Variants in UVRAG observed in about 807,000 individuals in gnomAD.
The protein encoded by UVRAG is UV radiation resistance-associated gene protein.
UVRAG carries 19 observed loss-of-function variants against 78.0 expected under a neutral mutation model. The observed-to-expected ratio is 0.24, with a 90% confidence interval of 0.17 to 0.36. The LOEUF is 0.36. UVRAG is among the 10% of genes least tolerant of loss of function. The pLI is 1.00. For missense variants in UVRAG, 740 were observed against 853.8 expected (o/e 0.87, Z 1.66); for synonymous variants, 323 against 324.6 (o/e 1.00, Z 0.05).
intron 14 of UVRAG, among the ~76,000 whole-genome samples, chr11:76,135,382 G>A (rs1347131311): frequency 6.6e-6 from 1 of 152,160 alleles, no homozygotes; most frequent in East Asian, 1.9e-4. Context: ...TTAATTTAGA[G>A]AGCTCAGAGA....
chr11:76,036,307 G>A lies in UVRAG; in HGVS notation c.1226+19327G>A, dbSNP rs144314880. Among the ~76,000 whole-genome samples, 168 of 152,248 alleles carry A rather than the reference G, an allele frequency of 1.1e-3. 1 individual carries two copies. The highest frequency in any genetic ancestry group is 3.9e-3 in the African/African-American group (163 of 41,530). ...CTCATGCCTGTAATCTGAACACTTT[G>A]GGAGGCCAAGGCTGGAGGATCACTT... On this transcript the variant is annotated intron_variant, in intron 12 of 14. Transcript: ENST00000356136.
At chr11:76,060,990 C>G (rs1951077152) in intron 12 of UVRAG, among the ~76,000 whole-genome samples, 1 of 152,260 alleles carries the variant, frequency 6.6e-6, no homozygotes, top group Non-Finnish European at 1.5e-5. Context: ...ACCTGCGGCC[C>G]TGGTGCGGGA....
chr11:76,105,095 A>G (rs964683464), intron 13 of UVRAG, among the ~76,000 whole-genome samples: 2 of 152,214 alleles, frequency 1.3e-5, no homozygotes, highest in Non-Finnish European at 2.9e-5. Context: ...TATAAATCAT[A>G]TGTGTTAAGT....
chr11:75,994,232 A>G (rs1949664098), intron 8 of UVRAG, among the ~76,000 whole-genome samples: 1 of 152,226 alleles, frequency 6.6e-6, no homozygotes, highest in African/African-American at 2.4e-5. Context: ...CTACTTTTTA[A>G]TACAATTACT....
intron 12 of UVRAG, among the ~76,000 whole-genome samples, chr11:76,062,622 TA>T (rs1591191655): frequency 1.3e-5 from 2 of 152,202 alleles, no homozygotes; most frequent in Admixed American, 1.3e-4. Context: ...TCTGTTCCCC[TA>T]ATCATCCTGG....
At chr11:75,924,244 C>T (rs892819548) in intron 6 of UVRAG, among the ~76,000 whole-genome samples, 4 of 152,056 alleles carry the variant, frequency 2.6e-5, no homozygotes, top group African/African-American at 9.7e-5. Context: ...TTTTTAATTA[C>T]CTTTCCAAAG....
intron 12 of UVRAG, among the ~76,000 whole-genome samples, chr11:76,036,414 A>T (rs1384845587): frequency 6.6e-6 from 1 of 151,728 alleles, no homozygotes; most frequent in Non-Finnish European, 1.5e-5. Flanking sequence ...ACCAAGTGTG[A>T]TGGCACCCAG....
chr11:76,112,730 CT>C (rs10686022), intron 13 of UVRAG, among the ~76,000 whole-genome samples: 242 of 139,186 alleles, frequency 1.7e-3, no homozygotes, highest in Non-Finnish European at 1.9e-3. Context: ...TTTTTCTTTT[CT>C]TTTTTTTTTT....
intron 6 of UVRAG, among the ~76,000 whole-genome samples, chr11:75,926,762 G>A (rs1251711149): frequency 6.6e-6 from 1 of 151,990 alleles, no homozygotes; most frequent in Admixed American, 6.6e-5. Context: ...AAGCAGTCAT[G>A]TAAAGACTAG....
At chr11:75,948,787 G>C (rs1447290076) in intron 6 of UVRAG, among the ~76,000 whole-genome samples, 1 of 152,138 alleles carries the variant, frequency 6.6e-6, no homozygotes, top group Admixed American at 6.6e-5. Context: ...AGGGCCTAGA[G>C]TATCTAAAAG....
chr11:76,071,790 A>G (rs532898696), intron 13 of UVRAG, among the ~76,000 whole-genome samples: 1 of 152,176 alleles, frequency 6.6e-6, no homozygotes, highest in East Asian at 1.9e-4. Flanking sequence ...TGAACGTGGG[A>G]GATGAGGGAA....
chr11:75,918,379 GAAA>G (rs35021766), intron 6 of UVRAG, among the ~76,000 whole-genome samples: 1 of 113,610 alleles, frequency 8.8e-6, no homozygotes, highest in African/African-American at 3.2e-5. Flanking sequence ...CTCCGTCTCA[GAAA>G]AAAAAAAAAA....
chr11:75,910,127 CTT>C (rs1325653094), intron 5 of UVRAG, among the ~76,000 whole-genome samples: 1 of 152,098 alleles, frequency 6.6e-6, no homozygotes, highest in Non-Finnish European at 1.5e-5. Flanking sequence ...TTTTGTGTTT[CTT>C]TTCAAGGAAC....
chr11:75,891,533 C>T (rs1454077469), intron 5 of UVRAG, among the ~76,000 whole-genome samples: 2 of 152,066 alleles, frequency 1.3e-5, no homozygotes, highest in African/African-American at 4.8e-5. Context: ...TTTAATACCC[C>T]AAGAACCTTA....
chr11:75,828,545 T>A (rs1457065379), intron 1 of UVRAG, among the ~76,000 whole-genome samples: 1 of 151,096 alleles, frequency 6.6e-6, no homozygotes, highest in Non-Finnish European at 1.5e-5. Flanking sequence ...GGCGCAATCA[T>A]GGTTCACCTG....
At chr11:76,040,754 A>C (rs1950634193) in intron 12 of UVRAG, among the ~76,000 whole-genome samples, 1 of 151,888 alleles carries the variant, frequency 6.6e-6, no homozygotes, top group Non-Finnish European at 1.5e-5. Flanking sequence ...ACGAGGTTTC[A>C]CCATGTTGGC....
chr11:76,072,788 GA>G (rs1951338740), intron 13 of UVRAG, among the ~76,000 whole-genome samples: 1 of 152,168 alleles, frequency 6.6e-6, no homozygotes, highest in Non-Finnish European at 1.5e-5. Flanking sequence ...TAGATTTTCT[GA>G]ATAGTTTCAC....
chr11:75,890,839 A>C lies in UVRAG; in HGVS notation c.507+1936A>C, dbSNP rs141522805. 3.9e-5 allele frequency among the ~76,000 whole-genome samples: 6 copies of C among 152,352 alleles called. No individual in the cohort carries two copies. The East Asian group carries it at 1.2e-3, about 29-fold the overall frequency. On this transcript the variant is annotated intron_variant, in intron 5 of 14. Coordinates refer to ENST00000356136, the MANE Select transcript of UVRAG (RefSeq NM_003369.4). ...TAAAGTCCACATAGGGGGCACCAGA[A>C]AAGATGACTGAAAAGAAGTGGCCCA...
chr11:75,965,991 A>T (rs1330310293), intron 7 of UVRAG, among the ~76,000 whole-genome samples: 1 of 152,124 alleles, frequency 6.6e-6, no homozygotes, highest in Non-Finnish European at 1.5e-5. Context: ...TTTCTCTGTT[A>T]AATATAGTGC....
Sources: gnomAD v4.1 joint callset for allele counts (sites outside exome capture counted in the v4.1 genomes callset) on GRCh38, gnomAD v4.1.1 for gene constraint, MANE v1.5 for transcripts, NCBI Gene and HGNC (gene_info 2026-07-23, HGNC 2026-07-21) for gene names.